NECAP1: variants seen among roughly 807,000 people sequenced by gnomAD.
NECAP1 encodes the protein NECAP endocytosis associated 1, also known as adaptin ear-binding coat-associated protein 1.
NECAP1 carries 13 observed loss-of-function variants against 33.4 expected under a neutral mutation model. That is an observed-to-expected ratio of 0.39 (90% CI 0.25 to 0.62). NECAP1 has a LOEUF of 0.62. Ranked by LOEUF, NECAP1 falls within the 20% of genes least tolerant of loss-of-function variation. The probability of loss-of-function intolerance (pLI) is 0.52; values close to 1 mark genes in which losing one functional copy is unlikely to be tolerated. For synonymous variants in NECAP1, 109 were observed against 125.2 expected, an observed-to-expected ratio of 0.87 and a Z score of 0.86; for missense variants, 272 against 347.4, an observed-to-expected ratio of 0.78 and a Z score of 1.73.
chr12:8,083,735 T>TG (rs1402330508), intron 1 of NECAP1, among the ~76,000 whole-genome samples: 1 of 147,928 alleles, frequency 6.8e-6, no homozygotes, highest in African/African-American at 2.5e-5. Context: ...CGTCGTTTTT[T>TG]TTTTTTTTTT....
intron 3 of NECAP1, chr12:8,091,419 GGC>G: frequency 1.0e-5 from 3 of 285,824 alleles, no homozygotes; most frequent in South Asian, 4.5e-5. Context: ...GGGAGCCTTG[GGC>G]TTGTTTTCCT....
At chr12:8,088,620 TA>T (rs1041884201) in intron 1 of NECAP1, among the ~76,000 whole-genome samples, 23 of 152,202 alleles carry the variant, frequency 1.5e-4, no homozygotes, top group African/African-American at 5.3e-4. Flanking sequence ...GCAGATGTAG[TA>T]ATCTTTTTAG....
At chr12:8,084,351 T>C (rs1400566882) in intron 1 of NECAP1, among the ~76,000 whole-genome samples, 1 of 152,230 alleles carries the variant, frequency 6.6e-6, no homozygotes, top group Admixed American at 6.5e-5. Context: ...ATGAGTCACT[T>C]AAACATCACC....
At chr12:8,088,997 T>C (rs1466487844) in intron 1 of NECAP1, 1 of 152,238 alleles carries the variant, frequency 6.6e-6, no homozygotes, top group East Asian at 1.9e-4. Context: ...TCCCACTGTC[T>C]TCTTAATCTT....
In NECAP1 at chr12:8,092,951, C is replaced by G. The variant is rs1236977568; in HGVS notation, c.572C>G (p.Pro191Arg). The part of the protein sequence containing the change: ...GGGLSLLPPP[P>R]GGKVTIPPPS... ...GGTCTGAGCTTACTCCCACCCCCGC[C>G]AGGAGGCAAAGTCACTATTCCCCCA... The change falls in exon 6 of 8, where the codon CCA becomes CGA. Residue 191 changes from proline (P) to arginine (R), a missense_variant. Physicochemically the swap from Pro to Arg is moderately radical, Grantham distance 103 (BLOSUM62 -2). Transcript: ENST00000339754. 1.9e-6 allele frequency: 3 copies of G among 1,608,074 alleles called. No individual in the cohort carries two copies. The highest frequency in any genetic ancestry group is 1.7e-4 in the Middle Eastern group (1 of 6,024).
At chr12:8,091,935 C>T (rs777398998) in intron 4 of NECAP1, 85 bp downstream of exon 4, 230 of 1,179,730 alleles carry the variant, frequency 1.9e-4, no homozygotes, top group Non-Finnish European at 2.5e-4. Context: ...CTCTTTTCCT[C>T]CTGGTTTCTT....
At chr12:8,087,453 C>G (rs956119633) in intron 1 of NECAP1, among the ~76,000 whole-genome samples, 2 of 150,766 alleles carry the variant, frequency 1.3e-5, no homozygotes, top group African/African-American at 2.4e-5. Context: ...TGTTAAGTAT[C>G]GGACACTAGA....
chr12:8,086,813 C>A (rs1230303690), intron 1 of NECAP1, among the ~76,000 whole-genome samples: 1 of 151,898 alleles, frequency 6.6e-6, no homozygotes, highest in Non-Finnish European at 1.5e-5. Context: ...GTGGCCTGTG[C>A]CTGTAATCTC....
intron 1 of NECAP1, among the ~76,000 whole-genome samples, chr12:8,085,821 A>G (rs1467159771): frequency 6.7e-6 from 1 of 149,572 alleles, no homozygotes; most frequent in Non-Finnish European, 1.5e-5. Context: ...CTCGTGCCTC[A>G]GCCTCCTGAG....
intron 1 of NECAP1, among the ~76,000 whole-genome samples, chr12:8,083,423 T>A (rs1348858930): frequency 3.6e-4 from 6 of 16,546 alleles, no homozygotes; most frequent in African/African-American, 1.3e-3. Flanking sequence ...TGTTTGTTCT[T>A]TTTTTTTTTT....
In NECAP1 at chr12:8,092,729, G is replaced by A. The variant is rs769210779; in HGVS notation, c.437G>A (p.Arg146His). The change falls in exon 5 of 8, where the codon CGT becomes CAT. Residue 146 changes from arginine (R) to histidine (H), a missense_variant. Arg to His is a conservative substitution (Grantham distance 29). Transcript: ENST00000339754. ...AAGGAATCTCAAGAAATGGATGCTC[G>A]TCCTAAGTTGGATCTGGGCTTCAAG... ...ISKESQEMDA[R>H]PKLDLGFKEG... 2.3e-5 allele frequency: 37 copies of A among 1,613,810 alleles called. No individual in the cohort carries two copies. Among genetic ancestry groups the A allele is most frequent in the Non-Finnish European group, 3.0e-5 (35 of 1,179,856 alleles).
At chr12:8,088,859 C>T (rs964014433) in intron 1 of NECAP1, 7 of 152,198 alleles carry the variant, frequency 4.6e-5, no homozygotes, top group African/African-American at 1.7e-4. Flanking sequence ...CTAGCTGTTC[C>T]TTATGTCTAG....
intron 1 of NECAP1, among the ~76,000 whole-genome samples, chr12:8,083,737 T>G (rs1359288247): frequency 2.0e-5 from 3 of 148,612 alleles, no homozygotes; most frequent in African/African-American, 2.5e-5. Context: ...TCGTTTTTTT[T>G]TTTTTTTTTT....
chr12:8,086,802 G>T lies in NECAP1; in HGVS notation c.96-3134G>T, dbSNP rs191409443. ...AATACAAAAGAAATTAGCTGGGCAT[G>T]GTGGCCTGTGCCTGTAATCTCAGCT... On this transcript the variant is annotated intron_variant, in intron 1 of 7. Coordinates refer to ENST00000339754, the MANE Select transcript of NECAP1 (RefSeq NM_015509.4). Among the ~76,000 whole-genome samples the T allele has an allele frequency of 2.0e-5, 3 of 152,078 alleles. No homozygotes were observed. The East Asian group carries it at 5.8e-4, about 29-fold the overall frequency.
At chr12:8,093,167 C>A in intron 6 of NECAP1, 112 bp downstream of exon 6, 2 of 1,048,502 alleles carry the variant, frequency 1.9e-6, no homozygotes, top group Non-Finnish European at 2.8e-6. Flanking sequence ...ATGGTACTGA[C>A]AAGGTGATTC....
intron 3 of NECAP1, 94 bp from the exon 4 acceptor site, chr12:8,091,675 C>G: frequency 9.5e-7 from 1 of 1,048,548 alleles, no homozygotes; most frequent in South Asian, 1.3e-5. Context: ...TGCTGCATGG[C>G]CTGGTTTCTA....
chr12:8,095,954 C>T, intron 7 of NECAP1, 88 bp from the exon 8 acceptor site: 4 of 1,507,470 alleles, frequency 2.7e-6, no homozygotes, highest in Non-Finnish European at 3.6e-6. Flanking sequence ...AAATTCTAGG[C>T]AGTGATTTCT....
At chr12:8,091,610 G>A (rs56693769) in intron 3 of NECAP1, 159 bp from the exon 4 acceptor site, 28,072 of 624,650 alleles carry the variant, frequency 0.045, 2,187 homozygotes, top group African/African-American at 0.24. Flanking sequence ...TGCAAGTGAC[G>A]GGGAGCGGCT....
At chr12:8,090,410 C>T in intron 3 of NECAP1, 111 bp downstream of exon 3, 1 of 965,276 alleles carries the variant, frequency 1.0e-6, no homozygotes, top group Non-Finnish European at 1.6e-6. Context: ...TTCATTTTTT[C>T]TTCCCTTTCT....
Sources: allele counts gnomAD v4.1 joint callset (sites outside exome capture counted in the v4.1 genomes callset), GRCh38; gene constraint gnomAD v4.1.1; transcripts MANE v1.5; gene names NCBI Gene and HGNC (gene_info 2026-07-23, HGNC 2026-07-21).